CHRM3: variants seen among roughly 807,000 people sequenced by gnomAD.
CHRM3 encodes the protein muscarinic acetylcholine receptor M3.
Under a neutral mutation model 41.8 loss-of-function variants are expected in CHRM3, and 11 were observed. The observed-to-expected ratio is 0.26, with a 90% CI of 0.17 to 0.44. The LOEUF (loss-of-function observed/expected upper bound fraction) is 0.44, where lower values mean the gene tolerates loss of function less well. Ranked by LOEUF, CHRM3 falls within the 20% of genes least tolerant of loss-of-function variation. CHRM3 has a pLI of 1.00. For missense variants in CHRM3, 571 were observed against 745.4 expected (o/e 0.77, Z 2.72); for synonymous variants, 297 against 301.4 (o/e 0.99, Z 0.15).
chr1:239,452,957 T>A (rs781275063), intron 1 of CHRM3, among the ~76,000 whole-genome samples: 2 of 152,034 alleles, frequency 1.3e-5, no homozygotes, highest in Admixed American at 6.6e-5. Context: ...CGCACCACCA[T>A]GCCCGGCTAA....
chr1:239,807,129 G>A (rs1032523161), intron 5 of CHRM3, among the ~76,000 whole-genome samples: 7 of 152,320 alleles, frequency 4.6e-5, no homozygotes, highest in Admixed American at 1.3e-4. Flanking sequence ...GGTTTTGATT[G>A]TGAACACAAT....
chr1:239,794,789 A>G (rs773446725), intron 5 of CHRM3, among the ~76,000 whole-genome samples: 1 of 152,228 alleles, frequency 6.6e-6, no homozygotes, highest in Non-Finnish European at 1.5e-5. Context: ...TTACATTGAT[A>G]TATCTCCATC....
chr1:239,583,962 A>G (rs1663147057), intron 3 of CHRM3, among the ~76,000 whole-genome samples: 1 of 152,120 alleles, frequency 6.6e-6, no homozygotes, highest in Admixed American at 6.6e-5. Context: ...TTAGGCGTTG[A>G]GGAATAGAAA....
At chr1:239,622,403 T>G (rs901064288) in intron 3 of CHRM3, among the ~76,000 whole-genome samples, 3 of 152,206 alleles carry the variant, frequency 2.0e-5, no homozygotes, top group African/African-American at 7.2e-5. Flanking sequence ...CAATGTCAAT[T>G]GAAAACCTTC....
chr1:239,653,333 A>C (rs541411704), intron 4 of CHRM3, among the ~76,000 whole-genome samples: 1 of 152,260 alleles, frequency 6.6e-6, no homozygotes, highest in Non-Finnish European at 1.5e-5. Context: ...GATCAGACAC[A>C]GAAGGGGATA....
At position 239,718,191 on chromosome 1, in the gene CHRM3, C is replaced by T. The variant is rs183698166; in HGVS notation, c.-147+39903C>T. Among the ~76,000 whole-genome samples the T allele has an allele frequency of 5.3e-5, 8 of 152,098 alleles. No individual in the cohort carries two copies. In the South Asian group the frequency reaches 8.3e-4, roughly 16 times the overall value. The stretch of plus-strand genomic sequence containing the variant: ...ACCTACTAGGGTGAAACATGACAAG[C>T]GGTTCATTGAACACTGCGCAGAAGG... On this transcript the variant is annotated intron_variant, in intron 5 of 6. Coordinates refer to ENST00000676153, the MANE Select transcript of CHRM3 (RefSeq NM_001375978.1).
intron 3 of CHRM3, among the ~76,000 whole-genome samples, chr1:239,549,921 G>A (rs1306276160): frequency 1.3e-5 from 2 of 151,656 alleles, no homozygotes; most frequent in Non-Finnish European, 2.9e-5. Flanking sequence ...CATGGTAAAG[G>A]GAAGAGTATA....
At chr1:239,657,015 A>G (rs1672775166) in intron 4 of CHRM3, among the ~76,000 whole-genome samples, 1 of 152,244 alleles carries the variant, frequency 6.6e-6, no homozygotes, top group Admixed American at 6.5e-5. Context: ...CTTTGCTGTC[A>G]ACATTTTTAA....
intron 4 of CHRM3, among the ~76,000 whole-genome samples, chr1:239,643,974 A>G (rs751479310): frequency 7.9e-5 from 12 of 152,230 alleles, no homozygotes; most frequent in Non-Finnish European, 1.3e-4. Context: ...ATGATAGAAA[A>G]TGTAAAAACC....
In CHRM3 at chr1:239,470,635, A is replaced by G. The variant is rs77272077; in HGVS notation, c.-520-22074A>G. Among the ~76,000 whole-genome samples, 1,051 of 152,282 alleles carry G rather than the reference A, an allele frequency of 6.9e-3. 17 individuals carry two copies. Among genetic ancestry groups the G allele is most frequent in the African/African-American group, 0.024 (992 of 41,544 alleles). ...CCTGCCTTCTTCCTCGGACTGTTCC[A>G]TAGTATGATTTCCTCTTGCAGTCTT... On this transcript the variant is annotated intron_variant, in intron 1 of 6. Coordinates refer to ENST00000676153, the MANE Select transcript of CHRM3 (RefSeq NM_001375978.1).
rs144708985 is a variant in CHRM3 at position 239,791,328 on chromosome 1, C to T, written c.-146-35924C>T. ...CCATGTTGGCCAGCCTTGTCTCGAA[C>T]TCCTGGCTTCAAGCAATCCAACCTT... On this transcript the variant is annotated intron_variant, in intron 5 of 6. Transcript: ENST00000676153. Among the ~76,000 whole-genome samples the T allele has an allele frequency of 4.4e-3, 667 of 152,288 alleles. 3 individuals are homozygous for T. The highest frequency in any genetic ancestry group is 8.6e-3 in the Non-Finnish European group (582 of 68,012).
intron 6 of CHRM3, among the ~76,000 whole-genome samples, chr1:239,829,533 T>C (rs1310650826): frequency 6.6e-6 from 1 of 152,204 alleles, no homozygotes; most frequent in East Asian, 1.9e-4. Flanking sequence ...GTATTTTACT[T>C]TCTATACCAA....
intron 5 of CHRM3, among the ~76,000 whole-genome samples, chr1:239,697,450 A>G (rs1660301442): frequency 6.6e-6 from 1 of 152,268 alleles, no homozygotes; most frequent in Non-Finnish European, 1.5e-5. Context: ...GACTAATACA[A>G]TGTCATACAG....
At chr1:239,390,491 T>A (rs961951756) in intron 1 of CHRM3, among the ~76,000 whole-genome samples, 2 of 152,212 alleles carry the variant, frequency 1.3e-5, no homozygotes, top group African/African-American at 4.8e-5. Flanking sequence ...TATATCTTTG[T>A]TCAGATCAAA....
At chr1:239,597,802 T>C (rs1308574471) in intron 3 of CHRM3, among the ~76,000 whole-genome samples, 3 of 150,720 alleles carry the variant, frequency 2.0e-5, no homozygotes, top group Admixed American at 2.0e-4. Flanking sequence ...CTAAACTTGT[T>C]GATGGGATTT....
chr1:239,862,998 T>C (rs1675762310), intron 6 of CHRM3, among the ~76,000 whole-genome samples: 1 of 152,220 alleles, frequency 6.6e-6, no homozygotes, highest in Non-Finnish European at 1.5e-5. Flanking sequence ...TTACAGAATC[T>C]GTTTCCTTAA....
chr1:239,880,798 G>A (rs1677522514), intron 6 of CHRM3, among the ~76,000 whole-genome samples: 2 of 152,108 alleles, frequency 1.3e-5, no homozygotes, highest in African/African-American at 4.8e-5. Flanking sequence ...TGCCCAGCCA[G>A]CCATGTAGGT....
chr1:239,688,833 A>G (rs1659434612), intron 5 of CHRM3, among the ~76,000 whole-genome samples: 1 of 141,012 alleles, frequency 7.1e-6, no homozygotes, highest in Admixed American at 7.5e-5. Context: ...TATATATTAT[A>G]TAATATATAT....
At chr1:239,693,521 C>G (rs1478312917) in intron 5 of CHRM3, among the ~76,000 whole-genome samples, 2 of 152,156 alleles carry the variant, frequency 1.3e-5, no homozygotes, top group Non-Finnish European at 2.9e-5. Context: ...TTTAAGGCAT[C>G]CAGTGGCATT....
Sources: gnomAD v4.1 joint callset for allele counts (sites outside exome capture counted in the v4.1 genomes callset) on GRCh38, gnomAD v4.1.1 for gene constraint, MANE v1.5 for transcripts, NCBI Gene and HGNC (gene_info 2026-07-23, HGNC 2026-07-21) for gene names.